Variants in NOS1AP observed in about 807,000 individuals in gnomAD.
NOS1AP encodes the protein carboxyl-terminal PDZ ligand of neuronal nitric oxide synthase protein.
A neutral mutation model predicts 56.2 loss-of-function variants in NOS1AP; 21 were observed. The ratio of observed to expected loss-of-function variants is 0.37; its 90% confidence interval spans 0.26 to 0.54. NOS1AP has a LOEUF of 0.54. Ranked by LOEUF, NOS1AP falls within the 20% of genes least tolerant of loss-of-function variation. The pLI is 0.84. For synonymous variants in NOS1AP, 270 were observed against 274.6 expected, an observed-to-expected ratio of 0.98 and a Z score of 0.17; for missense variants, 522 against 657.8, an observed-to-expected ratio of 0.79 and a Z score of 2.26.
intron 3 of NOS1AP, among the ~76,000 whole-genome samples, chr1:162,296,584 T>C (rs570564038): frequency 6.6e-6 from 1 of 152,304 alleles, no homozygotes; most frequent in South Asian, 2.1e-4. Context: ...TGTTTTGGCT[T>C]CTGTAGATCC....
intron 3 of NOS1AP, among the ~76,000 whole-genome samples, chr1:162,292,192 A>G (rs577915770): frequency 3.3e-5 from 5 of 152,332 alleles, no homozygotes; most frequent in African/African-American, 9.6e-5. Flanking sequence ...TTGTCACTGT[A>G]TGCACACATA....
chr1:162,234,670 T>C (rs1653229197), intron 2 of NOS1AP, among the ~76,000 whole-genome samples: 1 of 152,132 alleles, frequency 6.6e-6, no homozygotes, highest in African/African-American at 2.4e-5. Flanking sequence ...CTCCATGATG[T>C]TTCTAATCTA....
intron 2 of NOS1AP, among the ~76,000 whole-genome samples, chr1:162,255,297 T>C (rs1653989205): frequency 6.6e-6 from 1 of 152,090 alleles, no homozygotes; most frequent in Non-Finnish European, 1.5e-5. Context: ...ACAACAGGTC[T>C]TTCTCCAGAA....
intron 2 of NOS1AP, among the ~76,000 whole-genome samples, chr1:162,246,345 C>T (rs1653663833): frequency 6.6e-6 from 1 of 152,098 alleles, no homozygotes; most frequent in African/African-American, 2.4e-5. Flanking sequence ...GAGTGATGAA[C>T]AACATGGTGG....
At position 162,274,556 on chromosome 1, in the gene NOS1AP, T is replaced by C. The variant is rs111324097; in HGVS notation, c.178-12788T>C. Among the ~76,000 whole-genome samples, 175 of 152,330 alleles carry C rather than the reference T, an allele frequency of 1.1e-3. 1 individual carries two copies. Among genetic ancestry groups the C allele is most frequent in the African/African-American group, 3.9e-3 (161 of 41,568 alleles). ...TGTATATAGTGGGATCTTACTGTGG[T>C]TTTAATTTGCATTTCCCTAACAGCT... On this transcript the variant is annotated intron_variant, in intron 2 of 9. Coordinates refer to ENST00000361897, the MANE Select transcript of NOS1AP (RefSeq NM_014697.3).
rs6701392 is a variant in NOS1AP at position 162,354,591 on chromosome 1, G to A, written c.596-596G>A. Among the ~76,000 whole-genome samples the A allele has an allele frequency of 6.8e-3, 1,035 of 152,320 alleles. 6 individuals carry two copies. The highest frequency in any genetic ancestry group is 0.012 in the Non-Finnish European group (842 of 68,026). On this transcript the variant is annotated intron_variant, in intron 6 of 9. Transcript: ENST00000361897. ...CCTCCCCGTGCCACTTCCTGCAGGCGTCTTCCTGGCTTCTGCTGTTGGTGA... is the reference window on the plus strand; with the variant it reads ...CCTCCCCGTGCCACTTCCTGCAGGCATCTTCCTGGCTTCTGCTGTTGGTGA...
intron 4 of NOS1AP, among the ~76,000 whole-genome samples, chr1:162,321,735 T>A (rs868777033): frequency 7.4e-4 from 104 of 139,974 alleles, no homozygotes; most frequent in African/African-American, 2.7e-3. Flanking sequence ...AAAAAAAATA[T>A]ATATATATAT....
intron 2 of NOS1AP, among the ~76,000 whole-genome samples, chr1:162,216,597 G>C (rs190745949): frequency 6.6e-6 from 1 of 152,112 alleles, no homozygotes; most frequent in Non-Finnish European, 1.5e-5. Flanking sequence ...CTACCAAATG[G>C]GAATATTACA....
intron 6 of NOS1AP, among the ~76,000 whole-genome samples, chr1:162,345,560 A>G (rs1197731115): frequency 6.6e-6 from 1 of 152,196 alleles, no homozygotes; most frequent in Admixed American, 6.5e-5. Context: ...ACGTTAACAG[A>G]TGACAAATCA....
chr1:162,221,218 C>T (rs1490608362), intron 2 of NOS1AP, among the ~76,000 whole-genome samples: 1 of 152,202 alleles, frequency 6.6e-6, no homozygotes, highest in African/African-American at 2.4e-5. Flanking sequence ...GGATTAAAGG[C>T]GTGAGCCACC....
chr1:162,184,627 T>G (rs1389605791), intron 2 of NOS1AP, among the ~76,000 whole-genome samples: 1 of 152,206 alleles, frequency 6.6e-6, no homozygotes, highest in Non-Finnish European at 1.5e-5. Flanking sequence ...CACTTTACTC[T>G]TTCCACCACA....
At chr1:162,303,128 A>T (rs1401864964) in intron 4 of NOS1AP, among the ~76,000 whole-genome samples, 1 of 152,128 alleles carries the variant, frequency 6.6e-6, no homozygotes, top group Non-Finnish European at 1.5e-5. Context: ...AGGATCTATG[A>T]ATGTTTGTGT....
intron 2 of NOS1AP, among the ~76,000 whole-genome samples, chr1:162,275,072 G>T (rs1654693225): frequency 6.6e-6 from 1 of 152,162 alleles, no homozygotes; most frequent in African/African-American, 2.4e-5. Context: ...ATTTTATGAA[G>T]TTCAATTAAT....
chr1:162,295,346 C>CT (rs1333896439), intron 3 of NOS1AP, among the ~76,000 whole-genome samples: 3 of 152,062 alleles, frequency 2.0e-5, no homozygotes, highest in African/African-American at 7.2e-5. Context: ...TCAAGGATTT[C>CT]TTTTTTTTAA....
At chr1:162,165,676 C>T (rs189202114) in intron 2 of NOS1AP, among the ~76,000 whole-genome samples, 1 of 152,320 alleles carries the variant, frequency 6.6e-6, no homozygotes, top group Admixed American at 6.5e-5. Context: ...CCTACAAGAA[C>T]ATGCCGACTG....
chr1:162,327,244 T>C (rs1656621092), intron 4 of NOS1AP, among the ~76,000 whole-genome samples: 1 of 152,126 alleles, frequency 6.6e-6, no homozygotes, highest in South Asian at 2.1e-4. Context: ...CTAGAACATA[T>C]GTAATTTTAA....
intron 6 of NOS1AP, among the ~76,000 whole-genome samples, chr1:162,348,276 C>A (rs1657368015): frequency 6.6e-6 from 1 of 152,120 alleles, no homozygotes; most frequent in African/African-American, 2.4e-5. Flanking sequence ...TAAGCAGCCC[C>A]TTTTGATGAG....
intron 4 of NOS1AP, among the ~76,000 whole-genome samples, chr1:162,330,151 A>C (rs564327617): frequency 1.5e-4 from 23 of 152,368 alleles, no homozygotes; most frequent in African/African-American, 5.5e-4. Flanking sequence ...GAATAAGTTA[A>C]CTAAAGAATC....
At chr1:162,341,384 A>G (rs1423589528) in intron 5 of NOS1AP, among the ~76,000 whole-genome samples, 1 of 152,220 alleles carries the variant, frequency 6.6e-6, no homozygotes, top group Non-Finnish European at 1.5e-5. Context: ...CGACGGGAAA[A>G]GACTAACTCA....
Sources: allele counts gnomAD v4.1 joint callset (sites outside exome capture counted in the v4.1 genomes callset), GRCh38; gene constraint gnomAD v4.1.1; transcripts MANE v1.5; gene names NCBI Gene and HGNC (gene_info 2026-07-23, HGNC 2026-07-21).